AK5: variants seen among roughly 807,000 people sequenced by gnomAD.
AK5 encodes adenylate kinase isoenzyme 5.
Under a neutral mutation model 69.5 loss-of-function variants are expected in AK5, and 27 were observed. The observed-to-expected ratio is 0.39, with a 90% CI of 0.29 to 0.54. The LOEUF (loss-of-function observed/expected upper bound fraction) is 0.54, where lower values mean the gene tolerates loss of function less well. AK5 is among the 20% of genes least tolerant of loss of function. The pLI is 0.71. For missense variants in AK5, 531 were observed against 700.4 expected (o/e 0.76, Z 2.73); for synonymous variants, 260 against 244.4 (o/e 1.06, Z -0.60).
At chr1:77,366,345 C>T (rs1646949520) in intron 6 of AK5, among the ~76,000 whole-genome samples, 1 of 152,168 alleles carries the variant, frequency 6.6e-6, no homozygotes, top group Non-Finnish European at 1.5e-5. Flanking sequence ...ATTATAAGCC[C>T]TTGATAATTT....
intron 8 of AK5, among the ~76,000 whole-genome samples, chr1:77,454,236 CA>C (rs1245133100): frequency 6.6e-6 from 1 of 152,160 alleles, no homozygotes; most frequent in Non-Finnish European, 1.5e-5. Flanking sequence ...TATAAACTAC[CA>C]ACCCCTCTTT....
In AK5 at chr1:77,526,465, C is replaced by CTTT. The variant is rs917395853; in HGVS notation, c.1428+4548_1428+4550dup. Among the ~76,000 whole-genome samples, 66 of 84,658 alleles carry CTTT rather than the reference C, an allele frequency of 7.8e-4. 2 individuals are homozygous for CTTT. The highest frequency in any genetic ancestry group is 6.0e-3 in the South Asian group (13 of 2,168). 55.5% of individuals were successfully genotyped at this position (84,658 alleles called of 152,430 possible). A position where few individuals can be genotyped will look rare whatever the true frequency, so the allele number is the denominator to read the frequency against. On this transcript the variant is annotated intron_variant, in intron 12 of 13. Coordinates refer to ENST00000354567, the MANE Select transcript of AK5 (RefSeq NM_174858.3). ...GTTTGGAAGCGATGGGAATAAAAGT[C>CTTT]TTTTTTTTTTTTTTTTTTTTTTTTT... is the stretch of plus-strand genomic sequence containing the variant.
intron 5 of AK5, among the ~76,000 whole-genome samples, chr1:77,339,645 T>A (rs955688637): frequency 0.28 from 7,478 of 27,002 alleles, 218 homozygotes; most frequent in Admixed American, 0.37. Context: ...TAGCAATATC[T>A]TTTTTTTTTT....
At chr1:77,533,509 C>CAAAAAAAAAAAAAAAAAAAAAAAAAA (rs10526328) in intron 12 of AK5, among the ~76,000 whole-genome samples, 1 of 94,940 alleles carries the variant, frequency 1.1e-5, no homozygotes, top group African/African-American at 5.0e-5. Flanking sequence ...ACTCTGTCAC[C>CAAAAAAAAAAAAAAAAAAAAAAAAAA]AAAAAAAAAA....
chr1:77,285,098 T>C (rs1182073189), intron 1 of AK5, among the ~76,000 whole-genome samples: 1 of 152,216 alleles, frequency 6.6e-6, no homozygotes, highest in Non-Finnish European at 1.5e-5. Flanking sequence ...GAGTTTCTAG[T>C]TGAGTAAACT....
chr1:77,471,107 C>T lies in AK5; in HGVS notation c.1060-12210C>T, dbSNP rs534393134. ...CCGTGTTAGCCAAGATGGTATCAAT[C>T]TCCTGACCTCGTGATCCACCCGCCT... On this transcript the variant is annotated intron_variant, in intron 8 of 13. Transcript: ENST00000354567. Among the ~76,000 whole-genome samples, 4 of 151,550 alleles carry T rather than the reference C, an allele frequency of 2.6e-5. No homozygotes were observed. The South Asian group carries it at 8.4e-4, about 32-fold the overall frequency.
At chr1:77,480,128 G>A (rs1035554168) in intron 8 of AK5, among the ~76,000 whole-genome samples, 1 of 36,718 alleles carries the variant, frequency 2.7e-5, no homozygotes, top group African/African-American at 7.7e-5. Context: ...GAGTGTGTGT[G>A]TGTGTGTGTG....
chr1:77,293,090 A>G (rs1658780798), intron 2 of AK5, among the ~76,000 whole-genome samples: 1 of 152,178 alleles, frequency 6.6e-6, no homozygotes, highest in Admixed American at 6.5e-5. Context: ...AATCAAGTAG[A>G]TTAAAAATAA....
At chr1:77,524,099 G>A (rs111345734) in intron 12 of AK5, among the ~76,000 whole-genome samples, 5,172 of 152,220 alleles carry the variant, frequency 0.034, 129 homozygotes, top group Middle Eastern at 0.054. Context: ...TAATGTTGTA[G>A]CATGTGTCAG....
chr1:77,542,259 G>T (rs534240399), intron 13 of AK5, among the ~76,000 whole-genome samples: 1 of 152,092 alleles, frequency 6.6e-6, no homozygotes, highest in Non-Finnish European at 1.5e-5. Flanking sequence ...GGAGGCGGAG[G>T]TTGCGGTAAG....
At chr1:77,464,299 A>G (rs980231219) in intron 8 of AK5, among the ~76,000 whole-genome samples, 13 of 152,204 alleles carry the variant, frequency 8.5e-5, no homozygotes, top group Admixed American at 3.3e-4. Context: ...AGGAGGGGCC[A>G]GGCTCCTTCC....
Position 77,559,874 on chromosome 1 carries a change from A to G in AK5, c.*1204A>G, listed in dbSNP as rs1660354189. ...TTTTTTTTCTTCAATGGCTGTGCAG[A>G]TAAGGATCCATTTCTGGGATAGAAT... On this transcript the variant is annotated 3_prime_UTR_variant, in exon 14 of 14. Transcript: ENST00000354567. The G allele has an allele frequency of 6.6e-6, 1 of 152,338 alleles. No homozygotes were observed. The highest frequency in any genetic ancestry group is 6.6e-5 in the Admixed American group (1 of 15,250). The allele number at this position is 152,338 out of a possible 1,614,324, so 9.4% of individuals were successfully genotyped here. A position where few individuals can be genotyped will look rare whatever the true frequency, so the allele number is the denominator to read the frequency against.
chr1:77,508,824 G>A (rs1261744277), intron 10 of AK5, among the ~76,000 whole-genome samples: 2 of 150,144 alleles, frequency 1.3e-5, no homozygotes, highest in Non-Finnish European at 2.9e-5. Context: ...CCAAGATCAT[G>A]CCATTGCACT....
chr1:77,340,477 ATG>A lies in AK5; in HGVS notation c.802_803del (p.Val268LysfsTer19). On this transcript the variant is annotated frameshift_variant, in exon 6 of 14. Coordinates refer to ENST00000354567, the MANE Select transcript of AK5 (RefSeq NM_174858.3). LOFTEE classifies it high-confidence loss of function. ...GAACAGCAGGGCCGACCAGACGACA[ATG>A]TAAAAGCTACCCAAAGGAGACTAAT... 1 of 1,614,154 alleles carries A rather than the reference ATG, an allele frequency of 6.2e-7. No individual in the cohort carries two copies. Among genetic ancestry groups the A allele is most frequent in the Non-Finnish European group, 8.5e-7 (1 of 1,180,000 alleles).
chr1:77,362,405 T>C (rs957134905), intron 6 of AK5, among the ~76,000 whole-genome samples: 5 of 152,204 alleles, frequency 3.3e-5, no homozygotes, highest in African/African-American at 4.8e-5. Context: ...TCCAAGCATA[T>C]ATTAATTAAA....
chr1:77,547,216 A>C (rs956147274), intron 13 of AK5, among the ~76,000 whole-genome samples: 29 of 151,656 alleles, frequency 1.9e-4, no homozygotes, highest in Admixed American at 1.9e-3. Flanking sequence ...TTATTTAACT[A>C]TTTAACCTAA....
chr1:77,528,567 A>G (rs1658410671), intron 12 of AK5, among the ~76,000 whole-genome samples: 2 of 152,190 alleles, frequency 1.3e-5, no homozygotes, highest in African/African-American at 2.4e-5. Context: ...GGGTAAGTCT[A>G]TGTGTGGTTT....
At chr1:77,519,282 C>T (rs1372026883) in intron 11 of AK5, among the ~76,000 whole-genome samples, 1 of 152,118 alleles carries the variant, frequency 6.6e-6, no homozygotes, top group Non-Finnish European at 1.5e-5. Context: ...TAATGAGGGC[C>T]GTATGATACA....
At chr1:77,553,945 G>A (rs988869531) in intron 13 of AK5, among the ~76,000 whole-genome samples, 1 of 152,070 alleles carries the variant, frequency 6.6e-6, no homozygotes, top group Non-Finnish European at 1.5e-5. Flanking sequence ...TGGAACATTC[G>A]GGTTAAATGC....
Sources: allele counts gnomAD v4.1 joint callset (sites outside exome capture counted in the v4.1 genomes callset), GRCh38; gene constraint gnomAD v4.1.1; transcripts MANE v1.5; gene names NCBI Gene and HGNC (gene_info 2026-07-23, HGNC 2026-07-21).